Variants in PIK3C2G observed in about 807,000 individuals in gnomAD.
The protein encoded by PIK3C2G is phosphatidylinositol 3-kinase C2 domain-containing subunit gamma.
In PIK3C2G, 168 loss-of-function variants were observed where a neutral mutation model predicts 181.1. The observed-to-expected ratio is 0.93, with a 90% CI of 0.82 to 1.05. The LOEUF is 1.05. Ranked by LOEUF, PIK3C2G falls within the 50% of genes least tolerant of loss-of-function variation. The probability of loss-of-function intolerance (pLI) is 0.00; values close to 1 mark genes in which losing one functional copy is unlikely to be tolerated. For missense variants in PIK3C2G, 1,869 were observed against 1,732.8 expected, an observed-to-expected ratio of 1.08 and a Z score of -1.40; for synonymous variants, 573 against 592.2, an observed-to-expected ratio of 0.97 and a Z score of 0.47.
intron 5 of PIK3C2G, among the ~76,000 whole-genome samples, chr12:18,296,590 T>A (rs1260103175): frequency 2.6e-5 from 4 of 152,190 alleles, no homozygotes; most frequent in Non-Finnish European, 5.9e-5. Flanking sequence ...AAAGATGATT[T>A]TCCTAGCAAA....
chr12:18,693,293 AG>A, the PIK3C2G span: 5 of 1,525,308 alleles, frequency 3.3e-6, no homozygotes, highest in Non-Finnish European at 4.5e-6. Context: ...CCCTGGTCAC[AG>A]TGATGAAGGT....
intron 18 of PIK3C2G, among the ~76,000 whole-genome samples, chr12:18,461,310 A>C (rs1947908038): frequency 6.6e-6 from 1 of 152,104 alleles, no homozygotes; most frequent in Admixed American, 6.5e-5. Flanking sequence ...AGTTAACCAA[A>C]CCCCTGTTGT....
At chr12:18,684,328 G>A in the PIK3C2G span, 1 of 1,516,454 alleles carries the variant, frequency 6.6e-7, no homozygotes, top group Admixed American at 1.8e-5. Context: ...ACCATATCTA[G>A]GAAAAAATAG....
chr12:18,348,474 T>C (rs1187606735), intron 11 of PIK3C2G, among the ~76,000 whole-genome samples: 1 of 152,036 alleles, frequency 6.6e-6, no homozygotes, highest in Non-Finnish European at 1.5e-5. Context: ...CATATAATTA[T>C]AAATATAAAA....
intron 18 of PIK3C2G, among the ~76,000 whole-genome samples, chr12:18,484,574 A>G (rs1344837312): frequency 6.6e-6 from 1 of 152,194 alleles, no homozygotes; most frequent in Non-Finnish European, 1.5e-5. Context: ...TGCCCCATAT[A>G]ATGCTCTTTA....
chr12:18,264,310 T>G (rs894179809), intron 1 of PIK3C2G, among the ~76,000 whole-genome samples: 3 of 152,186 alleles, frequency 2.0e-5, no homozygotes, highest in African/African-American at 4.8e-5. Context: ...ATTGTTTATA[T>G]AGTCAACGTT....
chr12:18,650,696 GTGTGTGTGTATATATC>G (rs1565602342), downstream of PIK3C2G, among the ~76,000 whole-genome samples: 2,953 of 42,838 alleles, frequency 0.069, 176 homozygotes, highest in Admixed American at 0.09. Context: ...GTGTGTGTGT[GTGTGTGTGTATATATC>G]TATATATATA....
At chr12:18,429,889 T>C (rs962718256) in intron 18 of PIK3C2G, among the ~76,000 whole-genome samples, 2 of 152,194 alleles carry the variant, frequency 1.3e-5, no homozygotes, top group Non-Finnish European at 2.9e-5. Flanking sequence ...GCCCCTTCTC[T>C]GGAGAATTAG....
In PIK3C2G at chr12:18,282,199, T is replaced by A. The variant is rs1446511797; in HGVS notation, c.118T>A (p.Phe40Ile). 3.1e-6 allele frequency: 5 copies of A among 1,613,234 alleles called. No homozygotes were observed. In the African/African-American group the frequency reaches 6.7e-5, roughly 22 times the overall value. ...PHSSSQVSLG[F>I]DQIVDEISGK... ...TTCTTCTAGCCAAGTCAGTCTGGGT[T>A]TTGATCAGATAGTAGATGAGATCAG... The change falls in exon 2 of 33, where the codon TTT becomes ATT. Residue 40 changes from phenylalanine (F) to isoleucine (I), a missense_variant. Coordinates refer to ENST00000538779, the MANE Select transcript of PIK3C2G (RefSeq NM_001288772.2).
chr12:18,348,192 G>A (rs1939861754), intron 11 of PIK3C2G, among the ~76,000 whole-genome samples: 1 of 151,912 alleles, frequency 6.6e-6, no homozygotes, highest in East Asian at 1.9e-4. Flanking sequence ...TATATGTAGA[G>A]AGACAAGGAT....
chr12:18,642,509 T>C (rs1949894138), intron 32 of PIK3C2G, among the ~76,000 whole-genome samples: 1 of 152,192 alleles, frequency 6.6e-6, no homozygotes, highest in African/African-American at 2.4e-5. Context: ...GAATGGACTG[T>C]AGGATTTTGT....
chr12:18,484,366 A>G (rs1939840853), intron 18 of PIK3C2G, among the ~76,000 whole-genome samples: 1 of 152,198 alleles, frequency 6.6e-6, no homozygotes, highest in Non-Finnish European at 1.5e-5. Flanking sequence ...GGTATAAACC[A>G]AGTCAGTTTC....
the PIK3C2G span, among the ~76,000 whole-genome samples, chr12:18,722,982 G>C: frequency 5.2e-3 from 790 of 151,948 alleles, 4 homozygotes; most frequent in African/African-American, 0.018. Flanking sequence ...ATGAGATCAA[G>C]ATACTTTCTT....
At chr12:18,586,296 G>GA (rs1206252801) in intron 29 of PIK3C2G, among the ~76,000 whole-genome samples, 1 of 151,836 alleles carries the variant, frequency 6.6e-6, no homozygotes, top group Non-Finnish European at 1.5e-5. Flanking sequence ...TTAATTTTTT[G>GA]AAAAAATTAG....
chr12:18,264,815 G>A (rs528204130), intron 1 of PIK3C2G, among the ~76,000 whole-genome samples: 1 of 152,258 alleles, frequency 6.6e-6, no homozygotes, highest in Non-Finnish European at 1.5e-5. Context: ...GGCGTGGGGA[G>A]AAAAACCATC....
the PIK3C2G span, among the ~76,000 whole-genome samples, chr12:18,667,342 A>G: frequency 6.6e-6 from 1 of 152,194 alleles, no homozygotes; most frequent in African/African-American, 2.4e-5. Flanking sequence ...GTTAACAGTC[A>G]TCAACTTTTA....
At chr12:18,301,731 T>C (rs1223371153) in intron 5 of PIK3C2G, among the ~76,000 whole-genome samples, 1 of 152,164 alleles carries the variant, frequency 6.6e-6, no homozygotes, top group Admixed American at 6.5e-5. Context: ...ATGAAATTCG[T>C]GGCTGGAGAG....
At chr12:18,352,217 T>C (rs1940284828) in intron 11 of PIK3C2G, among the ~76,000 whole-genome samples, 1 of 152,214 alleles carries the variant, frequency 6.6e-6, no homozygotes, top group Non-Finnish European at 1.5e-5. Flanking sequence ...AACTAATCTA[T>C]GACAACTCCA....
At chr12:18,376,901 G>A (rs1942484921) in intron 13 of PIK3C2G, among the ~76,000 whole-genome samples, 1 of 152,190 alleles carries the variant, frequency 6.6e-6, no homozygotes, top group Non-Finnish European at 1.5e-5. Context: ...CCAAAAAGCT[G>A]AGCAGATGCC....
Sources: allele counts gnomAD v4.1 joint callset (sites outside exome capture counted in the v4.1 genomes callset), GRCh38; gene constraint gnomAD v4.1.1; transcripts MANE v1.5; gene names NCBI Gene and HGNC (gene_info 2026-07-23, HGNC 2026-07-21).